Variants in GRID1 observed in about 807,000 individuals in gnomAD.
The protein encoded by GRID1 is glutamate receptor ionotropic, delta-1.
GRID1 carries 28 observed loss-of-function variants against 98.0 expected under a neutral mutation model. The observed-to-expected ratio is 0.29, with a 90% confidence interval of 0.21 to 0.39. The LOEUF is 0.39. GRID1 is among the 10% of genes least tolerant of loss of function. The pLI, the probability that GRID1 is intolerant of heterozygous loss-of-function variation, is 1.00. For missense variants in GRID1, 1,111 were observed against 1,340.5 expected (o/e 0.83, Z 2.67); for synonymous variants, 553 against 538.5 (o/e 1.03, Z -0.37).
intron 2 of GRID1, among the ~76,000 whole-genome samples, chr10:86,288,590 C>G (rs1458603246): frequency 6.6e-6 from 1 of 152,188 alleles, no homozygotes; most frequent in African/African-American, 2.4e-5. Context: ...GTGCTTGCCT[C>G]TCGGTTGCGT....
In GRID1 at chr10:85,913,030, G is replaced by A. The variant is rs1305189776; in HGVS notation, c.780+3156C>T. ...GAGTATAGCTGGATCCTAAGGATAAGCCTACTTGTAATTTGGAAAACACCA... is the reference window on the plus strand; with the variant it reads ...GAGTATAGCTGGATCCTAAGGATAAACCTACTTGTAATTTGGAAAACACCA... On this transcript the variant is annotated intron_variant, in intron 5 of 15. Coordinates refer to ENST00000327946, the MANE Select transcript of GRID1 (RefSeq NM_017551.3). Among the ~76,000 whole-genome samples, 3 of 152,174 alleles carry A rather than the reference G, an allele frequency of 2.0e-5. No individual in the cohort carries two copies. The East Asian group carries it at 5.8e-4, about 29-fold the overall frequency.
chr10:86,117,993 T>C (rs756911781), intron 4 of GRID1, among the ~76,000 whole-genome samples: 2 of 152,236 alleles, frequency 1.3e-5, no homozygotes, highest in African/African-American at 2.4e-5. Context: ...ACAAAAAAGA[T>C]ACTTGCACAC....
intron 4 of GRID1, among the ~76,000 whole-genome samples, chr10:85,988,125 G>A (rs1214165631): frequency 1.3e-5 from 2 of 152,110 alleles, no homozygotes; most frequent in Non-Finnish European, 2.9e-5. Context: ...CTCAGCTCAA[G>A]TGTTGCCTCC....
chr10:86,068,577 T>C lies in GRID1; in HGVS notation c.726+70242A>G, dbSNP rs142195729. ...ACTGGTCAATAGATTGAGGCAAATG[T>C]TCCCACGTGGGGCTCCTGCCTAAAG... On this transcript the variant is annotated intron_variant, in intron 4 of 15. Transcript: ENST00000327946. Among the ~76,000 whole-genome samples the C allele has an allele frequency of 6.7e-4, 102 of 152,322 alleles. 1 individual carries two copies. In the East Asian group the frequency reaches 0.019, roughly 28 times the overall value.
chr10:85,858,626 T>C (rs1843136550), intron 6 of GRID1, among the ~76,000 whole-genome samples: 1 of 152,178 alleles, frequency 6.6e-6, no homozygotes, highest in Non-Finnish European at 1.5e-5. Context: ...TAGAATTGGT[T>C]TGTTGTTTTT....
chr10:86,052,296 T>A (rs1380226928), intron 4 of GRID1, among the ~76,000 whole-genome samples: 1 of 152,182 alleles, frequency 6.6e-6, no homozygotes, highest in Non-Finnish European at 1.5e-5. Flanking sequence ...CTCTAAAAAA[T>A]TAATAATATA....
intron 8 of GRID1, among the ~76,000 whole-genome samples, chr10:85,748,192 C>A (rs1842014891): frequency 6.6e-6 from 1 of 152,016 alleles, no homozygotes; most frequent in African/African-American, 2.4e-5. Context: ...AGAACATCTG[C>A]AACTGAACTG....
At chr10:85,773,666 C>G (rs1842297645) in intron 8 of GRID1, among the ~76,000 whole-genome samples, 1 of 152,166 alleles carries the variant, frequency 6.6e-6, no homozygotes, top group Non-Finnish European at 1.5e-5. Flanking sequence ...CACAAGCATT[C>G]TTAAATACCA....
chr10:85,968,083 T>G (rs766124353), intron 4 of GRID1, among the ~76,000 whole-genome samples: 2 of 152,110 alleles, frequency 1.3e-5, no homozygotes, highest in Non-Finnish European at 2.9e-5. Flanking sequence ...TAAAGAGCAC[T>G]GATAAAGGTA....
intron 7 of GRID1, among the ~76,000 whole-genome samples, chr10:85,855,492 A>G (rs543497059): frequency 2.6e-5 from 4 of 152,164 alleles, no homozygotes; most frequent in Non-Finnish European, 5.9e-5. Flanking sequence ...TGCTACTGAA[A>G]CCACATGCAA....
Position 86,268,761 on chromosome 10 carries a change from C to T in GRID1, c.236-62113G>A, listed in dbSNP as rs568988863. On this transcript the variant is annotated intron_variant, in intron 2 of 15. Transcript: ENST00000327946. ...ATCCCAGCACTCTGGGATGCCAAGG[C>T]GGGCTGATCACTTAAGGTCAGGAGT... Among the ~76,000 whole-genome samples, 56 of 152,136 alleles carry T rather than the reference C, an allele frequency of 3.7e-4. 1 individual carries two copies. Among genetic ancestry groups the T allele is most frequent in the African/African-American group, 1.2e-3 (50 of 41,488 alleles).
At chr10:85,990,430 CACTT>C (rs1171632601) in intron 4 of GRID1, among the ~76,000 whole-genome samples, 1 of 152,198 alleles carries the variant, frequency 6.6e-6, no homozygotes, top group Admixed American at 6.5e-5. Flanking sequence ...ACACAGGACT[CACTT>C]AAAGGAGACA....
intron 14 of GRID1, among the ~76,000 whole-genome samples, chr10:85,617,101 G>A (rs906184331): frequency 6.6e-6 from 1 of 152,086 alleles, no homozygotes; most frequent in African/African-American, 2.4e-5. Flanking sequence ...CATAAGGCTG[G>A]GACCTGTCAT....
At chr10:85,827,491 G>C (rs2131758037) in intron 8 of GRID1, among the ~76,000 whole-genome samples, 1 of 152,274 alleles carries the variant, frequency 6.6e-6, no homozygotes, top group South Asian at 2.1e-4. Context: ...GAGAAAATGT[G>C]AAGAGACCAA....
At chr10:86,035,090 G>C (rs2131895393) in intron 4 of GRID1, among the ~76,000 whole-genome samples, 1 of 152,310 alleles carries the variant, frequency 6.6e-6, no homozygotes, top group Middle Eastern at 3.4e-3. Context: ...GGACTGGGCT[G>C]TCTTTGGGAC....
intron 4 of GRID1, among the ~76,000 whole-genome samples, chr10:85,928,627 A>G (rs1300541919): frequency 6.6e-6 from 1 of 152,216 alleles, no homozygotes. Flanking sequence ...TGGGGACAGC[A>G]CAGCTCACAT....
chr10:86,043,693 C>G (rs1193745130), intron 4 of GRID1, among the ~76,000 whole-genome samples: 1 of 152,238 alleles, frequency 6.6e-6, no homozygotes, highest in East Asian at 1.9e-4. Flanking sequence ...TACAATGCAT[C>G]ATAAATAATC....
At chr10:85,823,521 A>G (rs1366960926) in intron 8 of GRID1, among the ~76,000 whole-genome samples, 2 of 152,148 alleles carry the variant, frequency 1.3e-5, no homozygotes, top group Non-Finnish European at 2.9e-5. Context: ...AAAAGCTCCA[A>G]TGTGTATAAT....
chr10:85,786,066 T>A (rs532505244), intron 8 of GRID1, among the ~76,000 whole-genome samples: 1 of 152,090 alleles, frequency 6.6e-6, no homozygotes, highest in African/African-American at 2.4e-5. Flanking sequence ...TACATACATA[T>A]GCACACACAA....
Sources: gnomAD v4.1 joint callset for allele counts (sites outside exome capture counted in the v4.1 genomes callset) on GRCh38, gnomAD v4.1.1 for gene constraint, MANE v1.5 for transcripts, NCBI Gene and HGNC (gene_info 2026-07-23, HGNC 2026-07-21) for gene names.